C13orf46: variants seen among roughly 807,000 people sequenced by gnomAD.
The protein encoded by C13orf46 is uncharacterized protein C13orf46.
chr13:113,936,235 C>T, the C13orf46 span, among the ~76,000 whole-genome samples: 1 of 152,176 alleles, frequency 6.6e-6, no homozygotes, highest in Non-Finnish European at 1.5e-5. Context: ...CCGGATAGAG[C>T]CCATTCATCC....
downstream of C13orf46, among the ~76,000 whole-genome samples, chr13:113,951,018 CAG>C (rs1192410566): frequency 0.011 from 1,728 of 152,336 alleles, 16 homozygotes; most frequent in Middle Eastern, 0.065. Flanking sequence ...GGGAAGGACA[CAG>C]GGGAATTTCC....
the C13orf46 span, among the ~76,000 whole-genome samples, chr13:113,938,593 C>G: frequency 2.0e-5 from 3 of 152,200 alleles, no homozygotes; most frequent in Admixed American, 6.5e-5. Flanking sequence ...GGCTATCTCC[C>G]GACTTGGGAT....
intron 1 of C13orf46, among the ~76,000 whole-genome samples, chr13:113,971,112 C>A (rs906651086): frequency 1.3e-5 from 2 of 152,240 alleles, no homozygotes; most frequent in African/African-American, 4.8e-5. Flanking sequence ...GATTCCAGAT[C>A]CCACAGGGCC....
At chr13:113,948,674 T>C in the C13orf46 span, among the ~76,000 whole-genome samples, 1 of 152,268 alleles carries the variant, frequency 6.6e-6, no homozygotes, top group Non-Finnish European at 1.5e-5. Context: ...GTTCTGGTAC[T>C]GCTCAGTTCA....
chr13:113,960,745 C>G (rs1013836605), intron 6 of C13orf46, among the ~76,000 whole-genome samples: 2 of 152,228 alleles, frequency 1.3e-5, no homozygotes, highest in Non-Finnish European at 2.9e-5. Context: ...TTACTGTCCT[C>G]TGTAATCAAG....
the C13orf46 span, among the ~76,000 whole-genome samples, chr13:113,943,615 C>T: frequency 2.0e-5 from 3 of 152,202 alleles, no homozygotes; most frequent in African/African-American, 7.2e-5. Context: ...GCATGTCTGA[C>T]CCCCGTTCCC....
chr13:113,945,352 T>A, the C13orf46 span, among the ~76,000 whole-genome samples: 1 of 151,978 alleles, frequency 6.6e-6, no homozygotes, highest in Non-Finnish European at 1.5e-5. Context: ...GAGACCATCC[T>A]GGCTAACATG....
chr13:113,954,767 C>T lies in C13orf46; in HGVS notation c.*2006G>A. The T allele has an allele frequency of 5.1e-6, 1 of 197,490 alleles. No individual in the cohort carries two copies. Among genetic ancestry groups the T allele is most frequent in the Non-Finnish European group, 1.0e-5 (1 of 97,160 alleles). 12.2% of individuals were successfully genotyped at this position (197,490 alleles called of 1,614,324 possible). On this transcript the variant is annotated 3_prime_UTR_variant, in exon 7 of 7. Transcript: ENST00000636427. ...AGCAAGAGGCCAGGGCAGGAAGGGGCTGGAGTCCTCCAGCTGGTGGAGACG... is the reference window on the plus strand; with the variant it reads ...AGCAAGAGGCCAGGGCAGGAAGGGGTTGGAGTCCTCCAGCTGGTGGAGACG...
intron 5 of C13orf46, among the ~76,000 whole-genome samples, chr13:113,966,176 GATGATGATGGTGATGATGGTC>G (rs2052644515): frequency 1.3e-5 from 1 of 75,308 alleles, no homozygotes; most frequent in African/African-American, 9.3e-5. Flanking sequence ...TGATGGTGAT[GATGATGATGGTGATGATGGTC>G]ATGATGATGG....
chr13:113,947,948 T>G, the C13orf46 span, among the ~76,000 whole-genome samples: 1 of 152,224 alleles, frequency 6.6e-6, no homozygotes, highest in Non-Finnish European at 1.5e-5. Context: ...TGCCGAGCAC[T>G]GACTGCCCTC....
At chr13:113,948,774 G>A (rs2052479035), downstream of C13orf46, among the ~76,000 whole-genome samples, 1 of 152,180 alleles carries the variant, frequency 6.6e-6, no homozygotes, top group African/African-American at 2.4e-5. Context: ...GAGATAAATC[G>A]AAGGAGACCT....
the C13orf46 span, among the ~76,000 whole-genome samples, chr13:113,936,437 C>A: frequency 2.6e-5 from 4 of 152,288 alleles, no homozygotes; most frequent in Admixed American, 6.5e-5. Context: ...GAGCCAAGGC[C>A]TTCCTCCCTC....
chr13:113,934,866 G>A, the C13orf46 span, among the ~76,000 whole-genome samples: 1 of 152,268 alleles, frequency 6.6e-6, no homozygotes, highest in African/African-American at 2.4e-5. Flanking sequence ...ATCCAGCCAG[G>A]AGGGAATGTA....
chr13:113,973,018 G>A (rs532584889), intron 1 of C13orf46, among the ~76,000 whole-genome samples: 31 of 152,222 alleles, frequency 2.0e-4, no homozygotes, highest in Non-Finnish European at 1.8e-4. Flanking sequence ...TCCGAGCACA[G>A]GGCAGCGGGA....
the C13orf46 span, among the ~76,000 whole-genome samples, chr13:113,938,946 C>T: frequency 5.9e-5 from 9 of 152,136 alleles, no homozygotes; most frequent in Admixed American, 5.2e-4. Flanking sequence ...CACACCACAG[C>T]ACCTGCGGCC....
the C13orf46 span, among the ~76,000 whole-genome samples, chr13:113,933,473 T>C: frequency 1.1e-4 from 17 of 152,216 alleles, no homozygotes; most frequent in Non-Finnish European, 2.4e-4. Flanking sequence ...ATGCTTGCTT[T>C]GGTTACTCCA....
the C13orf46 span, among the ~76,000 whole-genome samples, chr13:113,936,997 C>CCT: frequency 2.0e-5 from 3 of 152,136 alleles, no homozygotes; most frequent in Admixed American, 6.5e-5. Context: ...GTCCTCGTAG[C>CCT]CTAGTGGTCT....
the C13orf46 span, among the ~76,000 whole-genome samples, chr13:113,946,730 C>T: frequency 6.6e-6 from 1 of 152,258 alleles, no homozygotes; most frequent in Non-Finnish European, 1.5e-5. Flanking sequence ...CATTGGGTCT[C>T]CTGGGTCCTC....
At chr13:113,970,839 C>T (rs2052697211) in intron 1 of C13orf46, among the ~76,000 whole-genome samples, 1 of 152,186 alleles carries the variant, frequency 6.6e-6, no homozygotes, top group Non-Finnish European at 1.5e-5. Flanking sequence ...CCAGGAACAT[C>T]AACTCGGGTG....
Sources: gnomAD v4.1 joint callset for allele counts (sites outside exome capture counted in the v4.1 genomes callset) on GRCh38, gnomAD v4.1.1 for gene constraint, MANE v1.5 for transcripts, NCBI Gene and HGNC (gene_info 2026-07-23, HGNC 2026-07-21) for gene names.